HHAT: variants seen among roughly 807,000 people sequenced by gnomAD.
The protein encoded by HHAT is hedgehog acyltransferase.
Under a neutral mutation model 70.8 loss-of-function variants are expected in HHAT, and 47 were observed. The ratio of observed to expected loss-of-function variants is 0.66; its 90% CI spans 0.53 to 0.85. The LOEUF (loss-of-function observed/expected upper bound fraction) is 0.85. Among genes scored for constraint, HHAT ranks in the 40% least tolerant of loss-of-function variants. HHAT has a pLI of 0.00. For missense variants in HHAT, 609 were observed against 604.8 expected, an observed-to-expected ratio of 1.01 and a Z score of -0.07; for synonymous variants, 228 against 247.6, an observed-to-expected ratio of 0.92 and a Z score of 0.74.
intron 11 of HHAT, among the ~76,000 whole-genome samples, chr1:210,651,921 A>G (rs1171748942): frequency 6.6e-6 from 1 of 152,216 alleles, no homozygotes; most frequent in East Asian, 1.9e-4. Context: ...GGGGGCCCAC[A>G]GGAGCCCTGA....
chr1:210,342,073 T>A (rs1558313520), intron 1 of HHAT, among the ~76,000 whole-genome samples: 1 of 152,052 alleles, frequency 6.6e-6, no homozygotes, highest in East Asian at 1.9e-4. Context: ...TCCTCTTTTT[T>A]CCCCCTACCA....
intron 2 of HHAT, among the ~76,000 whole-genome samples, chr1:210,353,792 C>G (rs2087313502): frequency 6.6e-6 from 1 of 151,980 alleles, no homozygotes; most frequent in Non-Finnish European, 1.5e-5. Flanking sequence ...TTTATTTTCT[C>G]AGTTGTTTCT....
In HHAT at chr1:210,607,627, C is replaced by T. The variant is rs533381729; in HGVS notation, c.1246-15899C>T. 4.6e-5 allele frequency among the ~76,000 whole-genome samples: 7 copies of T among 152,178 alleles called. No individual in the cohort carries two copies. In the East Asian group the frequency reaches 1.4e-3, roughly 29 times the overall value. ...GCAGCTATCACTTGGGTGTGATGGT[C>T]GACAGACTTTCATCTTCCCACCCAT... On this transcript the variant is annotated intron_variant, in intron 10 of 11. Transcript: ENST00000261458.
intron 9 of HHAT, among the ~76,000 whole-genome samples, chr1:210,559,063 C>T (rs987395837): frequency 6.6e-6 from 1 of 152,164 alleles, no homozygotes; most frequent in African/African-American, 2.4e-5. Context: ...ATTTGCTGAG[C>T]ATTTGTTACG....
intron 11 of HHAT, among the ~76,000 whole-genome samples, chr1:210,672,637 C>T (rs573855759): frequency 6.6e-6 from 1 of 152,232 alleles, no homozygotes; most frequent in East Asian, 1.9e-4. Flanking sequence ...TTGTATCTTC[C>T]CCAGCATCTC....
intron 1 of HHAT, chr1:210,329,448 C>G (rs1038072126): frequency 9.4e-7 from 1 of 1,063,024 alleles, no homozygotes; most frequent in African/African-American, 1.7e-5. Flanking sequence ...ATCGGCGGTG[C>G]GCCTGCCTGC....
intron 1 of HHAT, among the ~76,000 whole-genome samples, chr1:210,340,280 G>T (rs965911487): frequency 6.0e-5 from 9 of 149,304 alleles, no homozygotes; most frequent in Non-Finnish European, 1.0e-4. Context: ...ACTCAAGTGG[G>T]GTTTGGAGAG....
intron 11 of HHAT, among the ~76,000 whole-genome samples, chr1:210,648,707 G>A (rs1406058441): frequency 6.6e-6 from 1 of 152,212 alleles, no homozygotes; most frequent in African/African-American, 2.4e-5. Flanking sequence ...TTTTCCAGCA[G>A]TTACTGTTTT....
At chr1:210,391,275 G>A (rs11119480) in intron 4 of HHAT, among the ~76,000 whole-genome samples, 124,010 of 152,152 alleles carry the variant, frequency 0.82, 51,298 homozygotes, top group African/African-American at 0.95. Flanking sequence ...TTATCTCACA[G>A]TAATTTTCAA....
intron 9 of HHAT, among the ~76,000 whole-genome samples, chr1:210,561,037 T>G (rs2095618757): frequency 6.6e-6 from 1 of 152,060 alleles, no homozygotes; most frequent in African/African-American, 2.4e-5. Flanking sequence ...GAGGAAGATG[T>G]GGTGAAAATG....
rs1244787949 is a variant in HHAT, at chr1:210,474,838, G to GT, written c.1007+10191dup. Reference sequence around the variant, plus strand: ...ACCTCAGGTGTTTTTTTTTTTTTCCGTTTTTTTTGTTTGTTTGTTTGTTTG... The same window carrying GT: ...ACCTCAGGTGTTTTTTTTTTTTTCCGTTTTTTTTTGTTTGTTTGTTTGTTTG... On this transcript the variant is annotated intron_variant, in intron 8 of 11. Coordinates refer to ENST00000261458, the MANE Select transcript of HHAT (RefSeq NM_018194.6). Among the ~76,000 whole-genome samples, 18 of 142,096 alleles carry GT rather than the reference G, an allele frequency of 1.3e-4. No individual in the cohort carries two copies. In the South Asian group the frequency reaches 1.3e-3, roughly 11 times the overall value. The allele number at this position is 142,096 out of a possible 152,430, so 93.2% of individuals were successfully genotyped here. A position where few individuals can be genotyped will look rare whatever the true frequency, so the allele number is the denominator to read the frequency against.
chr1:210,537,432 A>G lies in HHAT; in HGVS notation c.1043+24244A>G, dbSNP rs560860522. Among the ~76,000 whole-genome samples the G allele has an allele frequency of 3.9e-5, 6 of 152,304 alleles. No homozygotes were observed. In the South Asian group the frequency reaches 1.0e-3, roughly 26 times the overall value. ...ATTATTGTATCCCTCTTCTCACTTCATAGACACCCCCCTTTCCACACCAAT... is the reference window on the plus strand; with the variant it reads ...ATTATTGTATCCCTCTTCTCACTTCGTAGACACCCCCCTTTCCACACCAAT... On this transcript the variant is annotated intron_variant, in intron 9 of 11. Transcript: ENST00000261458.
At chr1:210,601,031 T>C (rs1664145291) in intron 10 of HHAT, among the ~76,000 whole-genome samples, 1 of 151,974 alleles carries the variant, frequency 6.6e-6, no homozygotes, top group Non-Finnish European at 1.5e-5. Context: ...TGAGGAAACA[T>C]GCCTCCAGTG....
chr1:210,491,660 C>T (rs2094554129), intron 8 of HHAT, among the ~76,000 whole-genome samples: 1 of 152,212 alleles, frequency 6.6e-6, no homozygotes, highest in Non-Finnish European at 1.5e-5. Context: ...ATTCTGCTCC[C>T]AGTTTGCTTC....
intron 10 of HHAT, among the ~76,000 whole-genome samples, chr1:210,591,568 T>C (rs1375576320): frequency 6.6e-6 from 1 of 152,128 alleles, no homozygotes; most frequent in Non-Finnish European, 1.5e-5. Flanking sequence ...TCCCAAGCCA[T>C]AGGACTGCTG....
intron 9 of HHAT, among the ~76,000 whole-genome samples, chr1:210,557,607 T>A (rs907506364): frequency 6.6e-5 from 10 of 151,898 alleles, no homozygotes; most frequent in East Asian, 1.9e-4. Flanking sequence ...TCATGGCGGG[T>A]GGTGAAAGGC....
intron 1 of HHAT, among the ~76,000 whole-genome samples, chr1:210,345,310 A>G (rs1321446248): frequency 1.3e-5 from 2 of 152,180 alleles, no homozygotes; most frequent in African/African-American, 4.8e-5. Flanking sequence ...ACAAATTAAT[A>G]AAAATTTGTA....
rs199819534 is a variant in HHAT at position 210,466,594 on chromosome 1, A to G, written c.1007+1939A>G. Among the ~76,000 whole-genome samples, 4 of 152,134 alleles carry G rather than the reference A, an allele frequency of 2.6e-5. No homozygotes were observed. In the East Asian group the frequency reaches 7.7e-4, roughly 29 times the overall value. Reference sequence around the variant, plus strand: ...CTCTTGCATTTCTTGGGAAGCACATACCCCTAAAAGGCTTCTCCCATATTG... The same window carrying G: ...CTCTTGCATTTCTTGGGAAGCACATGCCCCTAAAAGGCTTCTCCCATATTG... On this transcript the variant is annotated intron_variant, in intron 8 of 11. Coordinates refer to ENST00000261458, the MANE Select transcript of HHAT (RefSeq NM_018194.6).
At chr1:210,569,261 C>A (rs919748311) in intron 9 of HHAT, among the ~76,000 whole-genome samples, 1 of 150,796 alleles carries the variant, frequency 6.6e-6, no homozygotes, top group Non-Finnish European at 1.5e-5. Context: ...GTAACCCCAG[C>A]GACTCGGGAG....
Sources: allele counts gnomAD v4.1 joint callset (sites outside exome capture counted in the v4.1 genomes callset), GRCh38; gene constraint gnomAD v4.1.1; transcripts MANE v1.5; gene names NCBI Gene and HGNC (gene_info 2026-07-23, HGNC 2026-07-21).